The following CSNK2A1 variants were observed in gnomAD, a reference collection of about 807,000 sequenced individuals.
CSNK2A1 encodes casein kinase 2 alpha 1.
Under a neutral mutation model 62.9 loss-of-function variants are expected in CSNK2A1, and 10 were observed. The ratio of observed to expected loss-of-function variants is 0.16; its 90% CI spans 0.10 to 0.27. CSNK2A1 has a LOEUF of 0.27. Ranked by LOEUF, CSNK2A1 falls within the 10% of genes least tolerant of loss-of-function variation. CSNK2A1 has a pLI of 1.00. For missense variants in CSNK2A1, 160 were observed against 492.0 expected (o/e 0.33, Z 6.38); for synonymous variants, 124 against 167.8 (o/e 0.74, Z 2.02).
chr20:495,999 G>A, intron 7 of CSNK2A1, 197 bp from the exon 8 acceptor site: 1 of 530,526 alleles, frequency 1.9e-6, no homozygotes, highest in Non-Finnish European at 3.4e-6. Context: ...TCTGAGCTTA[G>A]AGATCTTTTT....
At chr20:527,042 A>AGAGAGAGAGG (rs2019112657) in intron 2 of CSNK2A1, 1 of 150,450 alleles carries the variant, frequency 6.6e-6, no homozygotes, top group Non-Finnish European at 1.5e-5. Context: ...AGAGAGAGAG[A>AGAGAGAGAGG]GAATGAATAT....
Position 479,156 on chromosome 20 carries a change from A to G in CSNK2A1, c.*4805T>C, listed in dbSNP as rs1482838707. The stretch of plus-strand genomic sequence containing the variant: ...AGACACTTTACTGCCACCTGCTGGA[A>G]AAGAGTCAGAAATTTTCCAAATGCA... On this transcript the variant is annotated 3_prime_UTR_variant, in exon 14 of 14. Coordinates refer to ENST00000217244, the MANE Select transcript of CSNK2A1 (RefSeq NM_177559.3). 1 of 152,374 alleles carries G rather than the reference A, an allele frequency of 6.6e-6. No homozygotes were observed. The highest frequency in any genetic ancestry group is 1.9e-4 in the East Asian group (1 of 5,200). 9.4% of individuals were successfully genotyped at this position (152,374 alleles called of 1,614,324 possible). A position where few individuals can be genotyped will look rare whatever the true frequency, so the allele number is the denominator to read the frequency against.
rs997730758 is a variant in CSNK2A1, at chr20:527,986, A to G, written c.-163T>C. The stretch of plus-strand genomic sequence containing the variant: ...GTGAATGATGTTTCTTGGAGATTTT[A>G]TGAGGTTCCACGCTGCATGATTTAC... On this transcript the variant is annotated 5_prime_UTR_variant, in exon 2 of 14. It removes the in-frame stop codon of an upstream open reading frame in the 5' UTR. Coordinates refer to ENST00000217244, the MANE Select transcript of CSNK2A1 (RefSeq NM_177559.3). The G allele has an allele frequency of 4.6e-5, 7 of 152,222 alleles. No individual in the cohort carries two copies. Among genetic ancestry groups the G allele is most frequent in the African/African-American group, 1.7e-4 (7 of 41,440 alleles). The allele number at this position is 152,222 out of a possible 1,614,324, so 9.4% of individuals were successfully genotyped here.
At chr20:488,528 G>C in intron 11 of CSNK2A1, 150 bp downstream of exon 11, 1 of 710,200 alleles carries the variant, frequency 1.4e-6, no homozygotes, top group South Asian at 1.8e-5. Context: ...CTTTATCAGA[G>C]GCCTGCTCAA....
chr20:485,986 G>A (rs1480773283), intron 13 of CSNK2A1, among the ~76,000 whole-genome samples: 4 of 152,172 alleles, frequency 2.6e-5, no homozygotes, highest in Non-Finnish European at 4.4e-5. Context: ...CACATGTCAC[G>A]GAACTGTCCT....
rs755007618 is a variant in CSNK2A1 at position 495,711 on chromosome 20, C to A, written c.510+8G>T. ...AGATAAATAACACTTGTCAGCCTAT[C>A]ACTTTACCTTTCTGTGCTCATGATC... On this transcript the variant is annotated splice_region_variant and intron_variant, in intron 8 of 13. Coordinates refer to ENST00000217244, the MANE Select transcript of CSNK2A1 (RefSeq NM_177559.3). 3.1e-6 allele frequency: 5 copies of A among 1,612,406 alleles called. No individual in the cohort carries two copies. Among genetic ancestry groups the A allele is most frequent in the Non-Finnish European group, 4.2e-6 (5 of 1,178,436 alleles).
intron 8 of CSNK2A1, 146 bp from the exon 9 acceptor site, chr20:492,510 T>TA (rs2018256884): frequency 1.1e-5 from 8 of 708,102 alleles, no homozygotes; most frequent in Non-Finnish European, 1.8e-5. Context: ...AGAATGAAAA[T>TA]AAAACTTCTT....
In CSNK2A1 at chr20:476,027, T is replaced by G. The variant is rs551179651; in HGVS notation, c.*7934A>C. ...AACAAAAGCAAAAGAAAGAAAAAAT[T>G]TGTCTGCAATGACTGGCTAGGAACC... On this transcript the variant is annotated 3_prime_UTR_variant, in exon 14 of 14. Coordinates refer to ENST00000217244, the MANE Select transcript of CSNK2A1 (RefSeq NM_177559.3). The G allele has an allele frequency of 1.3e-5, 2 of 152,200 alleles. No homozygotes were observed. The highest frequency in any genetic ancestry group is 4.8e-5 in the African/African-American group (2 of 41,426). 9.4% of individuals were successfully genotyped at this position (152,200 alleles called of 1,614,324 possible). A position where few individuals can be genotyped will look rare whatever the true frequency, so the allele number is the denominator to read the frequency against.
At chr20:485,098 AAAAAAAAAAAAATATATATATATATATAT>A (rs2018056321) in intron 13 of CSNK2A1, among the ~76,000 whole-genome samples, 1 of 53,472 alleles carries the variant, frequency 1.9e-5, no homozygotes, top group East Asian at 5.6e-4. Context: ...AAAAAAAAAA[AAAAAAAAAAAAATATATATATATATATAT>A]ATATATATAT....
chr20:535,081 T>C (rs1209392871), intron 1 of CSNK2A1, among the ~76,000 whole-genome samples: 1 of 134,776 alleles, frequency 7.4e-6, no homozygotes, highest in Non-Finnish European at 1.6e-5. Flanking sequence ...TTCGGACCAG[T>C]GTGGTGGCTC....
chr20:477,917 A>G lies in CSNK2A1; in HGVS notation c.*6044T>C, dbSNP rs2017880308. 6.6e-6 allele frequency: 1 copy of G among 152,182 alleles called. No homozygotes were observed. Among genetic ancestry groups the G allele is most frequent in the Non-Finnish European group, 1.5e-5 (1 of 68,046 alleles). The allele number at this position is 152,182 out of a possible 1,614,324, so 9.4% of individuals were successfully genotyped here. On this transcript the variant is annotated 3_prime_UTR_variant, in exon 14 of 14. Coordinates refer to ENST00000217244, the MANE Select transcript of CSNK2A1 (RefSeq NM_177559.3). ...ACAAACAAACAAAACAAAACAAAAC[A>G]AAAAAACCCCAGTTACATTCAGGAT... is the stretch of plus-strand genomic sequence containing the variant.
intron 3 of CSNK2A1, 30 bp downstream of exon 3, chr20:508,421 G>A (rs1342938290): frequency 4.3e-6 from 7 of 1,609,638 alleles, no homozygotes; most frequent in Non-Finnish European, 5.9e-6. Context: ...CCCTTTGAGT[G>A]AGTATAATGA....
In CSNK2A1 at chr20:483,716, C is replaced by A; in HGVS notation, c.*245G>T. ...AAAAAAATTTGTCCATGAAATATTC[C>A]ACCTGCAGGTAATTTTTCAGGGAAT... On this transcript the variant is annotated 3_prime_UTR_variant, in exon 14 of 14. Transcript: ENST00000217244. 1 of 287,374 alleles carries A rather than the reference C, an allele frequency of 3.5e-6. No homozygotes were observed. The highest frequency in any genetic ancestry group is 6.4e-6 in the Non-Finnish European group (1 of 157,252). 17.8% of individuals were successfully genotyped at this position (287,374 alleles called of 1,614,324 possible).
At chr20:535,219 G>A (rs1449097955) in intron 1 of CSNK2A1, among the ~76,000 whole-genome samples, 1 of 151,800 alleles carries the variant, frequency 6.6e-6, no homozygotes, top group Non-Finnish European at 1.5e-5. Flanking sequence ...TACCCACAAA[G>A]AAAACCCTAG....
intron 9 of CSNK2A1, among the ~76,000 whole-genome samples, 155 bp from the exon 10 acceptor site, chr20:490,036 T>C (rs1020064527): frequency 7.3e-4 from 103 of 141,816 alleles, no homozygotes; most frequent in Non-Finnish European, 6.5e-4. Context: ...TAGTCTTTCT[T>C]TTTTTTTTTT....
chr20:493,403 A>G (rs1267769978), intron 8 of CSNK2A1, among the ~76,000 whole-genome samples: 7 of 152,140 alleles, frequency 4.6e-5, no homozygotes, highest in Non-Finnish European at 8.8e-5. Flanking sequence ...ATAAATACTA[A>G]ATAGTTTAAT....
chr20:478,601 C>A lies in CSNK2A1; in HGVS notation c.*5360G>T, dbSNP rs1323082122. On this transcript the variant is annotated 3_prime_UTR_variant, in exon 14 of 14. Transcript: ENST00000217244. ...TCCTGTAAGCTTCCATCTGGAGGTA[C>A]CTGGGGAAGGGCTTCTCACATTGAG... is the stretch of plus-strand genomic sequence containing the variant. 1.7e-5 allele frequency: 7 copies of A among 405,468 alleles called. No individual in the cohort carries two copies. The highest frequency in any genetic ancestry group is 1.5e-4 in the Admixed American group (5 of 33,282). The allele number at this position is 405,468 out of a possible 1,614,324, so 25.1% of individuals were successfully genotyped here.
intron 12 of CSNK2A1, 183 bp downstream of exon 12, chr20:487,244 G>A: frequency 1.3e-6 from 1 of 768,718 alleles, no homozygotes; most frequent in Non-Finnish European, 2.1e-6. Flanking sequence ...CATGTATTCT[G>A]TTACAGAAGA....
chr20:536,011 G>A (rs1236574257), intron 1 of CSNK2A1, among the ~76,000 whole-genome samples: 3 of 152,126 alleles, frequency 2.0e-5, no homozygotes, highest in Admixed American at 6.5e-5. Flanking sequence ...GTGAGCAAAG[G>A]TAGACCTTTT....
Sources: gnomAD v4.1 joint callset for allele counts (sites outside exome capture counted in the v4.1 genomes callset) on GRCh38, gnomAD v4.1.1 for gene constraint, MANE v1.5 for transcripts, NCBI Gene and HGNC (gene_info 2026-07-23, HGNC 2026-07-21) for gene names.